The following NDUFA10 variants were observed in gnomAD, a reference collection of about 807,000 sequenced individuals.
The protein encoded by NDUFA10 is NADH dehydrogenase [ubiquinone] 1 alpha subcomplex subunit 10, mitochondrial.
NDUFA10 carries 40 observed loss-of-function variants against 47.8 expected under a neutral mutation model. That is an observed-to-expected ratio of 0.84 (90% confidence interval 0.65 to 1.09). The LOEUF (loss-of-function observed/expected upper bound fraction) is 1.09. NDUFA10 is among the 50% of genes least tolerant of loss of function. The probability of loss-of-function intolerance (pLI) is 0.00; values close to 1 mark genes in which losing one functional copy is unlikely to be tolerated. For missense variants in NDUFA10, 413 were observed against 451.1 expected (o/e 0.92, Z 0.76); for synonymous variants, 183 against 172.2 (o/e 1.06, Z -0.49).
At chr2:239,911,104 G>A (rs1693745757) in intron 4 of NDUFA10, among the ~76,000 whole-genome samples, 1 of 152,186 alleles carries the variant, frequency 6.6e-6, no homozygotes, top group South Asian at 2.1e-4. Flanking sequence ...ACCACGCTGG[G>A]GCCTCGTTCC....
At chr2:239,996,062 ACT>A (rs1696462849) in intron 8 of NDUFA10, among the ~76,000 whole-genome samples, 1 of 152,120 alleles carries the variant, frequency 6.6e-6, no homozygotes, top group African/African-American at 2.4e-5. Flanking sequence ...GATGACCCCA[ACT>A]CTGAGTAACC....
chr2:240,016,150 C>T lies in NDUFA10; in HGVS notation c.548-1290G>A, dbSNP rs1697337492. Among the ~76,000 whole-genome samples, 1 of 152,188 alleles carries T rather than the reference C, an allele frequency of 6.6e-6. No individual in the cohort carries two copies. Among genetic ancestry groups the T allele is most frequent in the Non-Finnish European group, 1.5e-5 (1 of 68,032 alleles). ...TGAGCCTTTGGCTCAGGGTCAGGAACGGCACGAGCTAAAGAACAAGGAAGA... is the reference window on the plus strand; with the variant it reads ...TGAGCCTTTGGCTCAGGGTCAGGAATGGCACGAGCTAAAGAACAAGGAAGA... On this transcript the variant is annotated intron_variant, in intron 4 of 9. Coordinates refer to ENST00000252711, the MANE Select transcript of NDUFA10 (RefSeq NM_004544.4). The surrounding 1 kb of genome is among the most constrained non-coding windows in gnomAD (Gnocchi z 4.4).
intron 4 of NDUFA10, among the ~76,000 whole-genome samples, chr2:239,924,947 A>G (rs1036973403): frequency 1.3e-5 from 2 of 152,142 alleles, no homozygotes; most frequent in African/African-American, 2.4e-5. Flanking sequence ...TAAAAATACA[A>G]TGCAGTGTAT....
Position 239,959,665 on chromosome 2 carries a change from C to CGGAA in NDUFA10, c.*1449_*1452dup, listed in dbSNP as rs371644364. On this transcript the variant is annotated 3_prime_UTR_variant, in exon 10 of 10. Transcript: ENST00000252711. ...GGGAAGGGAGGAAAACAAGGACAGA[C>CGGAA]GGAAGGAAGGAAGGAAGAGAAGGAG... is the stretch of plus-strand genomic sequence containing the variant. 42 of 937,574 alleles carry CGGAA rather than the reference C, an allele frequency of 4.5e-5. No homozygotes were observed. The East Asian group carries it at 6.0e-4, about 13-fold the overall frequency. The allele number at this position is 937,574 out of a possible 1,614,324, so 58.1% of individuals were successfully genotyped here.
chr2:239,994,550 A>G (rs1034916200), intron 8 of NDUFA10, among the ~76,000 whole-genome samples: 1 of 152,088 alleles, frequency 6.6e-6, no homozygotes. Context: ...TTCATTATAT[A>G]TAAGAATGTA....
chr2:239,920,803 A>T (rs1381419183), intron 4 of NDUFA10, among the ~76,000 whole-genome samples: 1 of 152,176 alleles, frequency 6.6e-6, no homozygotes, highest in African/African-American at 2.4e-5. Flanking sequence ...TATTGAAAGA[A>T]AGCCTGGCAG....
intron 3 of NDUFA10, chr2:240,020,989 A>G (rs1180564593): frequency 3.3e-6 from 2 of 614,708 alleles, no homozygotes; most frequent in East Asian, 5.5e-5. Context: ...CATAAATCTC[A>G]CTCCAGTATC....
At chr2:239,966,414 A>G (rs1026939525) in intron 9 of NDUFA10, among the ~76,000 whole-genome samples, 2 of 152,178 alleles carry the variant, frequency 1.3e-5, no homozygotes, top group African/African-American at 4.8e-5. Context: ...GAGGGTGTGC[A>G]CACTGCAGCC....
intron 8 of NDUFA10, among the ~76,000 whole-genome samples, chr2:239,992,387 A>C (rs1696286149): frequency 6.6e-6 from 1 of 152,258 alleles, no homozygotes; most frequent in African/African-American, 2.4e-5. Context: ...ATAGTGTTTT[A>C]TGACTCAAGC....
At chr2:239,996,934 CTA>C (rs1696504975) in intron 8 of NDUFA10, among the ~76,000 whole-genome samples, 1 of 151,844 alleles carries the variant, frequency 6.6e-6, no homozygotes, top group South Asian at 2.1e-4. Flanking sequence ...TAAATCATCT[CTA>C]GAGTATGTAT....
At chr2:239,911,857 A>C (rs1204430252) in intron 4 of NDUFA10, among the ~76,000 whole-genome samples, 2 of 151,936 alleles carry the variant, frequency 1.3e-5, no homozygotes, top group Non-Finnish European at 2.9e-5. Flanking sequence ...CCAGAAACAG[A>C]CTGAGACAAG....
At position 239,939,741 on chromosome 2, in the gene NDUFA10, A is replaced by G. The variant is rs557022709; in HGVS notation, c.295-44427T>C. Among the ~76,000 whole-genome samples, 10 of 152,374 alleles carry G rather than the reference A, an allele frequency of 6.6e-5. No individual in the cohort carries two copies. The South Asian group carries it at 1.7e-3, about 25-fold the overall frequency. The stretch of plus-strand genomic sequence containing the variant: ...AACAGGCAATGGAAAGAAGAAATCC[A>G]GGGGCTACCAGGCACACGGAAACAG... On this transcript the variant is annotated intron_variant, in intron 4 of 5. Transcript: ENST00000419408.
intron 9 of NDUFA10, among the ~76,000 whole-genome samples, chr2:239,985,454 C>T (rs955795055): frequency 6.7e-6 from 1 of 149,588 alleles, no homozygotes. Flanking sequence ...TAGAAGAACA[C>T]ATCTAGGCTG....
chr2:239,972,461 A>T (rs1695342419), intron 9 of NDUFA10, among the ~76,000 whole-genome samples: 1 of 152,096 alleles, frequency 6.6e-6, no homozygotes, highest in African/African-American at 2.4e-5. Flanking sequence ...ATTTTCCATT[A>T]TAACATATAA....
intron 4 of NDUFA10, among the ~76,000 whole-genome samples, chr2:239,903,906 A>T (rs1352854320): frequency 6.6e-6 from 1 of 152,160 alleles, no homozygotes; most frequent in Admixed American, 6.5e-5. Context: ...TGTCATTGAG[A>T]TCAGGTGGGG....
At chr2:239,968,009 C>CACACACACACAG (rs1173910304) in intron 9 of NDUFA10, among the ~76,000 whole-genome samples, 1 of 151,940 alleles carries the variant, frequency 6.6e-6, no homozygotes, top group Admixed American at 6.6e-5. Context: ...CACACACACA[C>CACACACACACAG]AGTCACTCAT....
chr2:239,945,611 T>C lies in NDUFA10; in HGVS notation c.294+44463A>G, dbSNP rs951402246. 6.6e-6 allele frequency among the ~76,000 whole-genome samples: 1 copy of C among 152,146 alleles called. No homozygotes were observed. On this transcript the variant is annotated intron_variant, in intron 4 of 5. Transcript: ENST00000419408. This position sits in a 1 kb window ranked among gnomAD's most constrained non-coding sequence, Gnocchi z 4.6. The stretch of plus-strand genomic sequence containing the variant: ...CAGGGAGGACTTGGCCACACACTGG[T>C]CCTTCATGAACAGTTTTCTCACGGA...
At chr2:239,946,033 G>A (rs958716065) in intron 4 of NDUFA10, among the ~76,000 whole-genome samples, 2 of 152,190 alleles carry the variant, frequency 1.3e-5, no homozygotes, top group South Asian at 4.1e-4. Flanking sequence ...TTCTGAACAG[G>A]GAGCCCAGGC....
chr2:240,013,439 T>C (rs1697216826), intron 5 of NDUFA10: 1 of 152,278 alleles, frequency 6.6e-6, no homozygotes, highest in Non-Finnish European at 1.5e-5. Context: ...TGTATGACTT[T>C]GTTTTTCTCA....
Sources: gnomAD v4.1 joint callset for allele counts (sites outside exome capture counted in the v4.1 genomes callset) on GRCh38, gnomAD v4.1.1 for gene constraint, Gnocchi (gnomAD v3.1) non-coding constraint, MANE v1.5 for transcripts, NCBI Gene and HGNC (gene_info 2026-07-23, HGNC 2026-07-21) for gene names.